The following KIAA0319 variants were observed in gnomAD, a reference collection of about 807,000 sequenced individuals.
The protein encoded by KIAA0319 is KIAA0319.
A neutral mutation model predicts 108.4 loss-of-function variants in KIAA0319; 83 were observed. That is an observed-to-expected ratio of 0.77 (90% CI 0.64 to 0.92). The LOEUF is 0.92. KIAA0319 is among the 40% of genes least tolerant of loss of function. KIAA0319 has a pLI of 0.00. For missense variants in KIAA0319, 1,195 were observed against 1,322.4 expected, an observed-to-expected ratio of 0.90 and a Z score of 1.49; for synonymous variants, 484 against 510.4, an observed-to-expected ratio of 0.95 and a Z score of 0.70.
Position 24,596,521 on chromosome 6 carries a change from G to A in KIAA0319, c.153C>T (p.Thr51=). The part of the protein sequence containing the change: ...ETTRIMRVSH[T]FPVVDCTAAC... Reference sequence around the variant, plus strand: ...CGGCCGTGCAGTCTACGACAGGGAAGGTGTGAGACACCCGCATGATTCTGG... The same window carrying A: ...CGGCCGTGCAGTCTACGACAGGGAAAGTGTGAGACACCCGCATGATTCTGG... Residue 51 remains threonine (T), a synonymous_variant, in exon 3 of 21, where the codon ACC becomes ACT. Transcript: ENST00000378214. 6.2e-7 allele frequency: 1 copy of A among 1,614,038 alleles called. No individual in the cohort carries two copies. The highest frequency in any genetic ancestry group is 8.5e-7 in the Non-Finnish European group (1 of 1,180,010).
intron 4 of KIAA0319, among the ~76,000 whole-genome samples, chr6:24,588,252 C>T (rs1294536901): frequency 6.6e-6 from 1 of 152,194 alleles, no homozygotes; most frequent in East Asian, 1.9e-4. Context: ...TTTGCTGGCT[C>T]ACTCTATCCT....
At chr6:24,558,923 A>G in intron 17 of KIAA0319, 90 bp downstream of exon 17, 1 of 1,258,874 alleles carries the variant, frequency 7.9e-7, no homozygotes, top group Non-Finnish European at 1.1e-6. Context: ...TAAAGTGAAA[A>G]TGTTCACATG....
At position 24,599,464 on chromosome 6, in the gene KIAA0319, T is replaced by C. The variant is rs572203131; in HGVS notation, c.55+1585A>G. On this transcript the variant is annotated intron_variant, in intron 2 of 20. Transcript: ENST00000378214. This position sits in a 1 kb window ranked among gnomAD's most constrained non-coding sequence, Gnocchi z 4.1. ...GCCATGCAGGACATGGCATGGCAGC[T>C]GCATGAGTACCAGGAGCTGATGATC... 9.4e-5 allele frequency: 52 copies of C among 554,652 alleles called. No homozygotes were observed. Among genetic ancestry groups the C allele is most frequent in the African/African-American group, 7.7e-4 (41 of 53,310 alleles). The allele number at this position is 554,652 out of a possible 1,614,324, so 34.4% of individuals were successfully genotyped here. A position where few individuals can be genotyped will look rare whatever the true frequency, so the allele number is the denominator to read the frequency against.
intron 16 of KIAA0319, among the ~76,000 whole-genome samples, chr6:24,562,521 C>T (rs945677861): frequency 6.6e-6 from 1 of 152,122 alleles, no homozygotes; most frequent in Non-Finnish European, 1.5e-5. Context: ...TCCTCCCACT[C>T]CACCCTGAGC....
At chr6:24,610,382 G>C (rs1772118100) in intron 1 of KIAA0319, among the ~76,000 whole-genome samples, 1 of 152,086 alleles carries the variant, frequency 6.6e-6, no homozygotes, top group African/African-American at 2.4e-5. Context: ...GAGACAATGA[G>C]ATACCACCTC....
At chr6:24,638,652 C>T (rs897565704) in intron 1 of KIAA0319, among the ~76,000 whole-genome samples, 5 of 151,654 alleles carry the variant, frequency 3.3e-5, no homozygotes, top group Admixed American at 6.6e-5. Flanking sequence ...CCCAGCTACT[C>T]GGGAGGCTGA....
At position 24,565,752 on chromosome 6, in the gene KIAA0319, C is replaced by CAAAAAAAAA. The variant is rs71542686; in HGVS notation, c.2292+836_2292+844dup. On this transcript the variant is annotated intron_variant, in intron 14 of 20. Coordinates refer to ENST00000378214, the MANE Select transcript of KIAA0319 (RefSeq NM_014809.4). ...TGGGCGATAGAGTGAGACTCCATCT[C>CAAAAAAAAA]AAAAAAAAAAAAAAAAAAAAAAGAA... Among the ~76,000 whole-genome samples the CAAAAAAAAA allele has an allele frequency of 9.3e-4, 58 of 62,358 alleles. 1 individual carries two copies. Among genetic ancestry groups the CAAAAAAAAA allele is most frequent in the Admixed American group, 1.3e-3 (7 of 5,302 alleles). 40.9% of individuals were successfully genotyped at this position (62,358 alleles called of 152,430 possible).
chr6:24,564,144 A>AC, intron 15 of KIAA0319, 58 bp downstream of exon 15: 1 of 1,606,238 alleles, frequency 6.2e-7, no homozygotes, highest in Non-Finnish European at 8.5e-7. Flanking sequence ...CAGCGTAAAG[A>AC]CCCCAAAGGC....
At chr6:24,637,506 A>G (rs1776353038) in intron 1 of KIAA0319, among the ~76,000 whole-genome samples, 1 of 152,222 alleles carries the variant, frequency 6.6e-6, no homozygotes, top group Admixed American at 6.5e-5. Context: ...TGTAAAAACA[A>G]CTGCATTGAT....
intron 4 of KIAA0319, among the ~76,000 whole-genome samples, chr6:24,585,943 G>T: frequency 6.6e-6 from 1 of 152,148 alleles, no homozygotes; most frequent in Non-Finnish European, 1.5e-5. Context: ...ACAAAAATTA[G>T]CCGGGAATGG....
At chr6:24,629,073 C>T (rs1775133129) in intron 1 of KIAA0319, among the ~76,000 whole-genome samples, 1 of 152,132 alleles carries the variant, frequency 6.6e-6, no homozygotes, top group Non-Finnish European at 1.5e-5. Flanking sequence ...GTCCCATTAG[C>T]GACTGCATGA....
In KIAA0319 at chr6:24,608,930, C is replaced by CAAAAAAAA. The variant is rs57120652; in HGVS notation, c.-105-7730_-105-7723dup. The stretch of plus-strand genomic sequence containing the variant: ...TGGGCGACAGAGGGAGACTCCGTCT[C>CAAAAAAAA]AAAAAAAAAAAAAAAAAAAAAAAAA... On this transcript the variant is annotated intron_variant, in intron 1 of 20. Transcript: ENST00000378214. Among the ~76,000 whole-genome samples the CAAAAAAAA allele has an allele frequency of 1.0e-4, 3 of 30,106 alleles. 1 individual carries two copies. The highest frequency in any genetic ancestry group is 1.4e-4 in the Non-Finnish European group (3 of 20,958). The allele number at this position is 30,106 out of a possible 152,430, so 19.8% of individuals were successfully genotyped here.
chr6:24,644,622 G>A (rs1213063725), intron 1 of KIAA0319, among the ~76,000 whole-genome samples: 2 of 141,634 alleles, frequency 1.4e-5, no homozygotes, highest in Non-Finnish European at 3.1e-5. Flanking sequence ...AAAAAAAAAA[G>A]TCAAGAAAAT....
Position 24,547,361 on chromosome 6 carries a change from A to C in KIAA0319, c.3041-18T>G, listed in dbSNP as rs749808855. On this transcript the variant is annotated intron_variant, in intron 20 of 20. Transcript: ENST00000378214. The stretch of plus-strand genomic sequence containing the variant: ...CTTGATACCTAGAGAGAAGCACAGA[A>C]GCATCTGAGGAGGAACGCCGTGATT... 6.2e-7 allele frequency: 1 copy of C among 1,609,584 alleles called. No homozygotes were observed. Among genetic ancestry groups the C allele is most frequent in the Non-Finnish European group, 8.5e-7 (1 of 1,176,554 alleles).
chr6:24,628,680 A>G (rs1166143669), intron 1 of KIAA0319, among the ~76,000 whole-genome samples: 2 of 152,196 alleles, frequency 1.3e-5, no homozygotes, highest in African/African-American at 4.8e-5. Context: ...AAATCAACGC[A>G]TCAGCTGGGC....
At chr6:24,576,334 A>T in intron 10 of KIAA0319, 34 bp downstream of exon 10, 1 of 1,555,722 alleles carries the variant, frequency 6.4e-7, no homozygotes, top group Non-Finnish European at 8.9e-7. Flanking sequence ...ACAGACAGAC[A>T]GACAAAAGTC....
rs1760643191 is a variant in KIAA0319, at chr6:24,546,446, A to G, written c.*719T>C. The G allele has an allele frequency of 6.6e-6, 1 of 152,102 alleles. No homozygotes were observed. The highest frequency in any genetic ancestry group is 2.4e-5 in the African/African-American group (1 of 41,410). The allele number at this position is 152,102 out of a possible 1,614,324, so 9.4% of individuals were successfully genotyped here. A position where few individuals can be genotyped will look rare whatever the true frequency, so the allele number is the denominator to read the frequency against. On this transcript the variant is annotated 3_prime_UTR_variant, in exon 21 of 21. Coordinates refer to ENST00000378214, the MANE Select transcript of KIAA0319 (RefSeq NM_014809.4). ...CAGTGTAGTTTTTCTTAGAGAAAGA[A>G]AAGATAATGTTACAATGCTACCTTC...
At chr6:24,597,933 A>AAAAAAAAAAAAAC (rs1769949210) in intron 2 of KIAA0319, 1 of 153,102 alleles carries the variant, frequency 6.5e-6, no homozygotes, top group Non-Finnish European at 1.4e-5. Flanking sequence ...AAAAAAAAAA[A>AAAAAAAAAAAAAC]AAAAAAAAAA....
intron 1 of KIAA0319, among the ~76,000 whole-genome samples, chr6:24,636,951 C>G (rs898574499): frequency 5.3e-5 from 8 of 152,218 alleles, no homozygotes; most frequent in African/African-American, 1.7e-4. Flanking sequence ...AGCAAACTAT[C>G]TACTCCATGG....
Sources: gnomAD v4.1 joint callset for allele counts (sites outside exome capture counted in the v4.1 genomes callset) on GRCh38, gnomAD v4.1.1 for gene constraint, Gnocchi (gnomAD v3.1) non-coding constraint, MANE v1.5 for transcripts, NCBI Gene and HGNC (gene_info 2026-07-23, HGNC 2026-07-21) for gene names.